Variants in MAML1 observed in about 807,000 individuals in gnomAD.
The protein encoded by MAML1 is mastermind like transcriptional coactivator 1.
MAML1 carries 14 observed loss-of-function variants against 77.1 expected under a neutral mutation model. The ratio of observed to expected loss-of-function variants is 0.18; its 90% CI spans 0.12 to 0.28. The LOEUF is 0.28. Ranked by LOEUF, MAML1 falls within the 10% of genes least tolerant of loss-of-function variation. MAML1 has a pLI of 1.00. For synonymous variants in MAML1, 516 were observed against 551.9 expected (o/e 0.93, Z 0.91); for missense variants, 1,217 against 1,327.8 (o/e 0.92, Z 1.30).
At chr5:179,744,286 A>C (rs1015275552) in intron 1 of MAML1, among the ~76,000 whole-genome samples, 3 of 151,972 alleles carry the variant, frequency 2.0e-5, no homozygotes, top group Non-Finnish European at 4.4e-5. Context: ...CCCGGGTTTA[A>C]GCAGTTCTCC....
At position 179,775,570 on chromosome 5, in the gene MAML1, G is replaced by C. The variant is rs1415957052; in HGVS notation, c.*693G>C. ...GATAGCAGGTCTGGTGACACAGCTA[G>C]GGTCTTCCTAGCAGCTCCTCCTCCT... On this transcript the variant is annotated 3_prime_UTR_variant, in exon 5 of 5. Coordinates refer to ENST00000292599, the MANE Select transcript of MAML1 (RefSeq NM_014757.5). 1 of 985,220 alleles carries C rather than the reference G, an allele frequency of 1.0e-6. No homozygotes were observed. Among genetic ancestry groups the C allele is most frequent in the African/African-American group, 1.7e-5 (1 of 57,208 alleles). The allele number at this position is 985,220 out of a possible 1,614,324, so 61.0% of individuals were successfully genotyped here. A position where few individuals can be genotyped will look rare whatever the true frequency, so the allele number is the denominator to read the frequency against.
At chr5:179,759,209 A>G (rs545695100) in intron 1 of MAML1, among the ~76,000 whole-genome samples, 4 of 152,304 alleles carry the variant, frequency 2.6e-5, no homozygotes, top group South Asian at 2.1e-4. Flanking sequence ...AGTGGGATCA[A>G]TTCACCAAGT....
Position 179,769,615 on chromosome 5 carries a change from C to T in MAML1, c.1971+526C>T, listed in dbSNP as rs55800082. On this transcript the variant is annotated intron_variant, in intron 3 of 4. Coordinates refer to ENST00000292599, the MANE Select transcript of MAML1 (RefSeq NM_014757.5). This position sits in a 1 kb window ranked among gnomAD's most constrained non-coding sequence, Gnocchi z 4.2. ...TCACCCAGGCTGGACTGCAGTGGTG[C>T]GATCTTGGCTCACTGCAGCCTCCAC... Among the ~76,000 whole-genome samples the T allele has an allele frequency of 0.034, 5,206 of 151,860 alleles. 131 individuals are homozygous for T. The highest frequency in any genetic ancestry group is 0.042 in the African/African-American group (1,741 of 41,386).
At chr5:179,740,916 T>C (rs934751480) in intron 1 of MAML1, among the ~76,000 whole-genome samples, 6 of 152,338 alleles carry the variant, frequency 3.9e-5, no homozygotes, top group South Asian at 2.1e-4. Flanking sequence ...CACTCTTTTT[T>C]TCCCCTGGGT....
At position 179,775,041 on chromosome 5, in the gene MAML1, C is replaced by T. The variant is rs533258024; in HGVS notation, c.*164C>T. On this transcript the variant is annotated 3_prime_UTR_variant, in exon 5 of 5. Transcript: ENST00000292599. ...TGGCCCTGGGCAGGGTCTGTGGCTG[C>T]GCCCCTCAGGCCAGCAGTTGAGGTC... 8.4e-6 allele frequency: 12 copies of T among 1,426,862 alleles called. No individual in the cohort carries two copies. The highest frequency in any genetic ancestry group is 3.1e-5 in the South Asian group (2 of 64,322). 88.4% of individuals were successfully genotyped at this position (1,426,862 alleles called of 1,614,324 possible).
At position 179,771,149 on chromosome 5, in the gene MAML1, G is replaced by A. The variant is rs151105339; in HGVS notation, c.1974G>A (p.Glu658=). Reference sequence around the variant, plus strand: ...TTGTTGTTCTTGGCATTTTCTAGGAGAAGCAACAGTTTCAGCGCCATCTGA... The same window carrying A: ...TTGTTGTTCTTGGCATTTTCTAGGAAAAGCAACAGTTTCAGCGCCATCTGA... ...QRQQHLLAEQ[E]KQQFQRHLTR... Residue 658 remains glutamate, a splice_region_variant and synonymous_variant, in exon 4 of 5, where the codon GAG becomes GAA. Coordinates refer to ENST00000292599, the MANE Select transcript of MAML1 (RefSeq NM_014757.5). The surrounding 1 kb of genome is among the most constrained non-coding windows in gnomAD (Gnocchi z 4.7). 52 of 1,613,582 alleles carry A rather than the reference G, an allele frequency of 3.2e-5. No individual in the cohort carries two copies. In the African/African-American group the frequency reaches 6.5e-4, roughly 20 times the overall value.
At chr5:179,750,721 C>T (rs965423899) in intron 1 of MAML1, among the ~76,000 whole-genome samples, 5 of 152,118 alleles carry the variant, frequency 3.3e-5, no homozygotes, top group African/African-American at 1.2e-4. Flanking sequence ...CTGGGACTCC[C>T]AAAGTGCTGG....
At position 179,777,228 on chromosome 5, in the gene MAML1, TC is replaced by T; in HGVS notation, c.*2352del. The T allele has an allele frequency of 1.0e-6, 1 of 966,892 alleles. No homozygotes were observed. Among genetic ancestry groups the T allele is most frequent in the Non-Finnish European group, 1.2e-6 (1 of 812,892 alleles). The allele number at this position is 966,892 out of a possible 1,614,324, so 59.9% of individuals were successfully genotyped here. ...AACTCTGGTATACACCAAAAAGAAA[TC>T]TTTACTTTCCTTGTTTTATCATTAT... On this transcript the variant is annotated 3_prime_UTR_variant, in exon 5 of 5. Transcript: ENST00000292599.
intron 1 of MAML1, among the ~76,000 whole-genome samples, chr5:179,759,739 G>T (rs554828884): frequency 2.6e-5 from 4 of 152,372 alleles, no homozygotes; most frequent in African/African-American, 9.6e-5. Context: ...TTCTGATGTT[G>T]TAAGTCCTAC....
Position 179,776,288 on chromosome 5 carries a change from T to A in MAML1, c.*1411T>A. The A allele has an allele frequency of 1.0e-6, 1 of 985,890 alleles. No individual in the cohort carries two copies. The highest frequency in any genetic ancestry group is 1.2e-6 in the Non-Finnish European group (1 of 829,958). The allele number at this position is 985,890 out of a possible 1,614,324, so 61.1% of individuals were successfully genotyped here. On this transcript the variant is annotated 3_prime_UTR_variant, in exon 5 of 5. Transcript: ENST00000292599. ...CTTCTGTTTCCCTGGAGTCTCCCAATGGATCATTCAGGAGTGTCCTATGTG... is the reference window on the plus strand; with the variant it reads ...CTTCTGTTTCCCTGGAGTCTCCCAAAGGATCATTCAGGAGTGTCCTATGTG...
chr5:179,756,459 G>T (rs1424289184), intron 1 of MAML1, among the ~76,000 whole-genome samples: 3 of 151,652 alleles, frequency 2.0e-5, no homozygotes, highest in African/African-American at 7.3e-5. Flanking sequence ...AAATTAGGCG[G>T]TCACCAGCCT....
chr5:179,741,088 T>C lies in MAML1; in HGVS notation c.315+7661T>C, dbSNP rs565616859. Among the ~76,000 whole-genome samples, 16 of 152,294 alleles carry C rather than the reference T, an allele frequency of 1.1e-4. No individual in the cohort carries two copies. In the South Asian group the frequency reaches 1.2e-3, roughly 12 times the overall value. ...TTTCCCACATATCCAAAATGGACTT[T>C]CCCTTTTTCCTACCAAATCATATGT... is the stretch of plus-strand genomic sequence containing the variant. On this transcript the variant is annotated intron_variant, in intron 1 of 4. Transcript: ENST00000292599.
At position 179,766,749 on chromosome 5, in the gene MAML1, T is replaced by C. The variant is rs770627874; in HGVS notation, c.1731+8T>C. ...CTGGTTCCACCTGGCCAGGTAAGTA[T>C]GAGCCTTTGCTTTCTGTTCCTCTGC... On this transcript the variant is annotated splice_region_variant and intron_variant, in intron 2 of 4. Transcript: ENST00000292599. This position sits in a 1 kb window ranked among gnomAD's most constrained non-coding sequence, Gnocchi z 4.0. 1 of 1,522,926 alleles carries C rather than the reference T, an allele frequency of 6.6e-7. No homozygotes were observed. The highest frequency in any genetic ancestry group is 8.8e-7 in the Non-Finnish European group (1 of 1,134,176). 94.3% of individuals were successfully genotyped at this position (1,522,926 alleles called of 1,614,324 possible). A position where few individuals can be genotyped will look rare whatever the true frequency, so the allele number is the denominator to read the frequency against.
rs1476798154 is a variant in MAML1 at position 179,765,176 on chromosome 5, A to G, written c.316-150A>G. On this transcript the variant is annotated intron_variant, in intron 1 of 4. Transcript: ENST00000292599. ...TGGCCAGGTATAGGACCGTCAGGGA[A>G]AATGGAGGTGTGTCCCCAGAAATGG... The G allele has an allele frequency of 4.6e-6, 3 of 646,146 alleles. No homozygotes were observed. In the African/African-American group the frequency reaches 5.5e-5, roughly 12 times the overall value. 40.0% of individuals were successfully genotyped at this position (646,146 alleles called of 1,614,324 possible). A position where few individuals can be genotyped will look rare whatever the true frequency, so the allele number is the denominator to read the frequency against.
At chr5:179,734,304 T>C (rs1486480803) in intron 1 of MAML1, among the ~76,000 whole-genome samples, 1 of 152,228 alleles carries the variant, frequency 6.6e-6, no homozygotes, top group African/African-American at 2.4e-5. Context: ...GCAGTGCCTG[T>C]CCCTAGCTAA....
intron 1 of MAML1, among the ~76,000 whole-genome samples, chr5:179,759,833 A>G (rs1779692839): frequency 6.6e-6 from 1 of 152,230 alleles, no homozygotes. Context: ...CAGGATCTCA[A>G]CACATGGTTA....
intron 1 of MAML1, among the ~76,000 whole-genome samples, chr5:179,747,539 G>T (rs975908359): frequency 6.6e-6 from 1 of 152,188 alleles, no homozygotes; most frequent in Admixed American, 6.5e-5. Context: ...GGCTGGGCAC[G>T]GTGGCTCATG....
chr5:179,757,886 C>T (rs1005986566), intron 1 of MAML1, among the ~76,000 whole-genome samples: 4 of 152,156 alleles, frequency 2.6e-5, no homozygotes, highest in Non-Finnish European at 5.9e-5. Flanking sequence ...ACTTACATAG[C>T]TTTGCTTTAA....
Position 179,771,390 on chromosome 5 carries a change from T to C in MAML1, c.2068+147T>C. ...TACACCTCAGTTTGCCTAAGGGGCC[T>C]GGTTTTCTAGTTACTCCACGGCATC... On this transcript the variant is annotated intron_variant, in intron 4 of 4. Transcript: ENST00000292599. The surrounding 1 kb of genome is among the most constrained non-coding windows in gnomAD (Gnocchi z 4.7). The C allele has an allele frequency of 1.5e-6, 1 of 651,606 alleles. No homozygotes were observed. Among genetic ancestry groups the C allele is most frequent in the Non-Finnish European group, 2.6e-6 (1 of 380,628 alleles). 40.4% of individuals were successfully genotyped at this position (651,606 alleles called of 1,614,324 possible).
Sources: allele counts gnomAD v4.1 joint callset (sites outside exome capture counted in the v4.1 genomes callset), GRCh38; gene constraint gnomAD v4.1.1; non-coding constraint Gnocchi (gnomAD v3.1); transcripts MANE v1.5; gene names NCBI Gene and HGNC (gene_info 2026-07-23, HGNC 2026-07-21).